The following ZNF114 variants were observed in gnomAD, a reference collection of about 807,000 sequenced individuals.
ZNF114 encodes zinc finger protein 114.
ZNF114 carries 8 observed loss-of-function variants against 6.8 expected under a neutral mutation model. That is an observed-to-expected ratio of 1.18 (90% CI 0.69 to 2.13). The LOEUF (loss-of-function observed/expected upper bound fraction) is 2.13. Among genes scored for constraint, ZNF114 ranks in the 30% most tolerant of loss-of-function variants. The pLI is 0.00. For missense variants in ZNF114, 472 were observed against 519.5 expected (o/e 0.91, Z 0.89); for synonymous variants, 169 against 185.5 (o/e 0.91, Z 0.72).
intron 3 of ZNF114, among the ~76,000 whole-genome samples, chr19:48,276,191 T>C (rs10417697): frequency 0.17 from 25,315 of 148,886 alleles, 2,456 homozygotes; most frequent in East Asian, 0.2. Flanking sequence ...GTGATTCTCC[T>C]GCTTCAGCCT....
chr19:48,270,790 A>G (rs1355746909), intron 1 of ZNF114, among the ~76,000 whole-genome samples: 1 of 152,002 alleles, frequency 6.6e-6, no homozygotes, highest in Non-Finnish European at 1.5e-5. Flanking sequence ...AAAGAAAAGA[A>G]AAGAAGGGCC....
chr19:48,270,514 AAAGG>A (rs1295353380), intron 1 of ZNF114, among the ~76,000 whole-genome samples: 1 of 147,486 alleles, frequency 6.8e-6, no homozygotes, highest in Non-Finnish European at 1.5e-5. Context: ...AAAGAAAGAG[AAAGG>A]GAGGGAGAGA....
rs34454372 is a variant in ZNF114 at position 48,276,074 on chromosome 19, CT to C, written c.-69-3635del. Among the ~76,000 whole-genome samples the C allele has an allele frequency of 3.7e-3, 275 of 73,400 alleles. 2 individuals carry two copies. Among genetic ancestry groups the C allele is most frequent in the East Asian group, 0.011 (22 of 1,914 alleles). 48.2% of individuals were successfully genotyped at this position (73,400 alleles called of 152,430 possible). On this transcript the variant is annotated intron_variant, in intron 3 of 5. Coordinates refer to ENST00000595607, the MANE Select transcript of ZNF114 (RefSeq NM_153608.4). ...CTGGAGGTGAGAGAGCCTCTTACCTCTTTTTTTTTTTTTTTTTTTTTTGAGA... is the reference window on the plus strand; with the variant it reads ...CTGGAGGTGAGAGAGCCTCTTACCTCTTTTTTTTTTTTTTTTTTTTTGAGA...
rs187422391 is a variant in ZNF114, at chr19:48,272,756, G to C, written c.-70+928G>C. ...AACTGAAAAGTCCTGGGCAGGGCCA[G>C]ACGTGCAGGATGCACTGGTTTCTTA... On this transcript the variant is annotated intron_variant, in intron 3 of 5. Coordinates refer to ENST00000595607, the MANE Select transcript of ZNF114 (RefSeq NM_153608.4). Among the ~76,000 whole-genome samples, 376 of 140,930 alleles carry C rather than the reference G, an allele frequency of 2.7e-3. 2 individuals carry two copies. The highest frequency in any genetic ancestry group is 8.0e-3 in the South Asian group (37 of 4,634). 92.5% of individuals were successfully genotyped at this position (140,930 alleles called of 152,430 possible).
chr19:48,280,404 T>C (rs969434938), intron 4 of ZNF114, among the ~76,000 whole-genome samples: 2 of 151,616 alleles, frequency 1.3e-5, no homozygotes, highest in African/African-American at 4.8e-5. Flanking sequence ...TAAAGTAAAA[T>C]AAAAAGAAAG....
intron 4 of ZNF114, among the ~76,000 whole-genome samples, chr19:48,280,807 C>A (rs1245288245): frequency 6.6e-6 from 1 of 152,080 alleles, no homozygotes; most frequent in Non-Finnish European, 1.5e-5. Flanking sequence ...CCCACCTCGG[C>A]CTCCCAAAGT....
chr19:48,272,235 A>AC (rs1282725921), intron 3 of ZNF114, among the ~76,000 whole-genome samples: 3 of 151,750 alleles, frequency 2.0e-5, no homozygotes, highest in East Asian at 3.9e-4. Flanking sequence ...ACATGGTGAA[A>AC]CCCCCATCTC....
Position 48,279,760 on chromosome 19 carries a change from C to T in ZNF114, c.-40C>T. 1 of 1,613,852 alleles carries T rather than the reference C, an allele frequency of 6.2e-7. No homozygotes were observed. Among genetic ancestry groups the T allele is most frequent in the Non-Finnish European group, 8.5e-7 (1 of 1,179,876 alleles). On this transcript the variant is annotated 5_prime_UTR_variant, in exon 4 of 6. Transcript: ENST00000595607. ...GCCTCACCTGCCTCCTTGAAGGAAA[C>T]ACGGGGAAGCCAGGACTGGCCGTCA...
chr19:48,277,226 T>C (rs1014858058), intron 3 of ZNF114, among the ~76,000 whole-genome samples: 52 of 152,244 alleles, frequency 3.4e-4, no homozygotes, highest in African/African-American at 1.2e-3. Flanking sequence ...CAGGCGCTTG[T>C]GGTCCCAGCT....
chr19:48,280,547 A>T (rs1291448369), intron 4 of ZNF114, among the ~76,000 whole-genome samples: 3 of 123,012 alleles, frequency 2.4e-5, no homozygotes, highest in Admixed American at 8.7e-5. Context: ...CCCACTCCAA[A>T]TTTTTTTTTT....
chr19:48,275,158 GAGAA>G (rs1233162179), intron 3 of ZNF114, among the ~76,000 whole-genome samples: 4 of 143,946 alleles, frequency 2.8e-5, no homozygotes, highest in African/African-American at 5.1e-5. Context: ...GAAAGAAAGA[GAGAA>G]AGAGAGAGAG....
intron 3 of ZNF114, among the ~76,000 whole-genome samples, chr19:48,276,318 A>G (rs1476105238): frequency 6.6e-6 from 1 of 151,776 alleles, no homozygotes; most frequent in Non-Finnish European, 1.5e-5. Context: ...ACCTCAGGTG[A>G]TCTGCCTGCC....
At chr19:48,283,720 G>T (rs1265433341) in intron 5 of ZNF114, among the ~76,000 whole-genome samples, 1 of 148,014 alleles carries the variant, frequency 6.8e-6, no homozygotes, top group Non-Finnish European at 1.5e-5. Flanking sequence ...TCCCTGGGGG[G>T]TTCTGGGGTT....
chr19:48,281,850 C>T (rs1968000676), intron 4 of ZNF114, among the ~76,000 whole-genome samples: 1 of 149,502 alleles, frequency 6.7e-6, no homozygotes, highest in South Asian at 2.1e-4. Context: ...ATAAGGACAC[C>T]AGTCACTGGA....
intron 3 of ZNF114, among the ~76,000 whole-genome samples, chr19:48,273,430 T>TTTG (rs1427368120): frequency 6.7e-6 from 1 of 149,412 alleles, no homozygotes; most frequent in Non-Finnish European, 1.5e-5. Flanking sequence ...TCTTTTCTGT[T>TTTG]TTTTTTTTTT....
intron 3 of ZNF114, among the ~76,000 whole-genome samples, chr19:48,273,834 T>C (rs955963544): frequency 1.3e-5 from 2 of 148,918 alleles, no homozygotes; most frequent in African/African-American, 4.9e-5. Flanking sequence ...CTCGGCTCAC[T>C]GCAAGCTCCT....
Position 48,286,866 on chromosome 19 carries a change from G to A in ZNF114, c.1242G>A (p.Lys414=), listed in dbSNP as rs767178468. 1 of 1,560,660 alleles carries A rather than the reference G, an allele frequency of 6.4e-7. No homozygotes were observed. Among genetic ancestry groups the A allele is most frequent in the Admixed American group, 2.2e-5 (1 of 46,184 alleles). Residue 414 remains lysine, a synonymous_variant, in exon 6 of 6, where the codon AAG becomes AAA. Transcript: ENST00000595607. Reference sequence around the variant, plus strand: ...ATCTTAAGACTCACAAAGATGAGAAGCCCTGTGAATGAAAGGAAGGTGGAA... The same window carrying A: ...ATCTTAAGACTCACAAAGATGAGAAACCCTGTGAATGAAAGGAAGGTGGAA... ...KKHLKTHKDE[K]PCE
At chr19:48,281,501 C>CTTTTTTT (rs3077995) in intron 4 of ZNF114, 2 of 126,368 alleles carry the variant, frequency 1.6e-5, no homozygotes, top group Non-Finnish European at 3.3e-5. Flanking sequence ...ATTTCCCCTT[C>CTTTTTTT]TTTTTTTTTT....
chr19:48,282,465 T>C lies in ZNF114; in HGVS notation c.104T>C (p.Met35Thr). 6.2e-7 allele frequency: 1 copy of C among 1,610,450 alleles called. No homozygotes were observed. The highest frequency in any genetic ancestry group is 1.1e-5 in the South Asian group (1 of 90,764). Reference sequence around the variant, plus strand: ...CAGAGGAATCTCTACAGAGACGTGATGCTGGAAAATTCTAGGAACTTGGCA... The same window carrying C: ...CAGAGGAATCTCTACAGAGACGTGACGCTGGAAAATTCTAGGAACTTGGCA... Reference protein sequence around the residue: ...PAQRNLYRDVMLENSRNLAFI... With the variant: ...PAQRNLYRDVTLENSRNLAFI... The change falls in exon 5 of 6, where the codon ATG becomes ACG. Residue 35 changes from methionine (M) to threonine (T), a missense_variant. Met to Thr is a moderately conservative substitution (Grantham distance 81, BLOSUM62 -1). Coordinates refer to ENST00000595607, the MANE Select transcript of ZNF114 (RefSeq NM_153608.4).
Sources: gnomAD v4.1 joint callset for allele counts (sites outside exome capture counted in the v4.1 genomes callset) on GRCh38, gnomAD v4.1.1 for gene constraint, MANE v1.5 for transcripts, NCBI Gene and HGNC (gene_info 2026-07-23, HGNC 2026-07-21) for gene names.